FAF1: variants seen among roughly 807,000 people sequenced by gnomAD.
FAF1 encodes the protein Fas associated factor 1.
Under a neutral mutation model 92.5 loss-of-function variants are expected in FAF1, and 25 were observed. That is an observed-to-expected ratio of 0.27 (90% CI 0.20 to 0.38). The LOEUF is 0.38. Among genes scored for constraint, FAF1 ranks in the 10% least tolerant of loss-of-function variants. The pLI is 1.00. For synonymous variants in FAF1, 234 were observed against 273.2 expected (o/e 0.86, Z 1.42); for missense variants, 636 against 793.3 (o/e 0.80, Z 2.38).
intron 8 of FAF1, among the ~76,000 whole-genome samples, chr1:50,645,811 G>A (rs1203233778): frequency 6.6e-6 from 1 of 150,480 alleles, no homozygotes; most frequent in East Asian, 1.9e-4. Context: ...CTGGGGGACA[G>A]AGTGAGACTC....
At chr1:50,478,993 C>A (rs1364874377) in intron 17 of FAF1, among the ~76,000 whole-genome samples, 1 of 152,210 alleles carries the variant, frequency 6.6e-6, no homozygotes, top group Non-Finnish European at 1.5e-5. Flanking sequence ...GAAGCATACC[C>A]TTTCCTGGGA....
chr1:50,819,306 C>T (rs916310299), intron 2 of FAF1, among the ~76,000 whole-genome samples: 6 of 151,914 alleles, frequency 3.9e-5, no homozygotes, highest in Non-Finnish European at 8.8e-5. Flanking sequence ...GGGCTATCTA[C>T]ATTTAAAATC....
At chr1:50,756,643 T>C (rs1043950245) in intron 4 of FAF1, among the ~76,000 whole-genome samples, 85 of 152,326 alleles carry the variant, frequency 5.6e-4, no homozygotes, top group African/African-American at 2.0e-3. Context: ...AAGACATACC[T>C]GAGACTGGGT....
intron 1 of FAF1, among the ~76,000 whole-genome samples, chr1:50,931,570 C>T (rs1381888326): frequency 1.3e-5 from 2 of 152,020 alleles, no homozygotes; most frequent in African/African-American, 4.8e-5. Context: ...TATTCACTAT[C>T]ACAAGAATAG....
At chr1:50,755,875 C>A (rs572534483) in intron 4 of FAF1, among the ~76,000 whole-genome samples, 25 of 152,296 alleles carry the variant, frequency 1.6e-4, no homozygotes, top group African/African-American at 5.5e-4. Context: ...GCCACAGCTG[C>A]AGCAGCTGGG....
At chr1:50,945,004 G>A (rs182759774) in intron 1 of FAF1, among the ~76,000 whole-genome samples, 45 of 152,304 alleles carry the variant, frequency 3.0e-4, no homozygotes, top group Admixed American at 8.5e-4. Context: ...AAGGTGTGTG[G>A]ATCAAGAGGA....
At chr1:50,790,986 T>G (rs1661543091) in intron 3 of FAF1, among the ~76,000 whole-genome samples, 1 of 152,206 alleles carries the variant, frequency 6.6e-6, no homozygotes, top group Non-Finnish European at 1.5e-5. Flanking sequence ...GATGTATATG[T>G]GTGTTTGGGA....
intron 8 of FAF1, among the ~76,000 whole-genome samples, chr1:50,647,870 A>G (rs575738441): frequency 3.3e-5 from 5 of 152,318 alleles, no homozygotes; most frequent in Admixed American, 6.5e-5. Flanking sequence ...GAAAAAAGTG[A>G]AAAAAACTTA....
intron 8 of FAF1, among the ~76,000 whole-genome samples, chr1:50,605,308 C>G (rs953812747): frequency 6.6e-6 from 1 of 152,116 alleles, no homozygotes; most frequent in African/African-American, 2.4e-5. Flanking sequence ...AGTGAGTACA[C>G]TAGAAGAGGT....
chr1:50,555,363 G>A (rs75013786), intron 13 of FAF1, among the ~76,000 whole-genome samples: 1,895 of 151,782 alleles, frequency 0.012, 41 homozygotes, highest in African/African-American at 0.042. Context: ...AAATACATCC[G>A]ACAAAGGATT....
chr1:50,698,316 C>T (rs1569789957), intron 7 of FAF1, among the ~76,000 whole-genome samples: 1 of 152,212 alleles, frequency 6.6e-6, no homozygotes, highest in East Asian at 1.9e-4. Context: ...CAACACATAC[C>T]CTAGGAAAAT....
intron 2 of FAF1, among the ~76,000 whole-genome samples, chr1:50,855,842 C>G (rs1227544676): frequency 6.6e-6 from 1 of 151,722 alleles, no homozygotes; most frequent in Non-Finnish European, 1.5e-5. Flanking sequence ...TGAAAGATAG[C>G]CTGATGTTTT....
intron 6 of FAF1, among the ~76,000 whole-genome samples, chr1:50,706,931 C>T (rs761486889): frequency 1.1e-4 from 17 of 152,108 alleles, no homozygotes; most frequent in Admixed American, 2.0e-4. Flanking sequence ...AGGACGGGCA[C>T]GGTGGCTCAC....
chr1:50,732,332 C>T (rs1183134948), intron 6 of FAF1, among the ~76,000 whole-genome samples: 7 of 152,132 alleles, frequency 4.6e-5, no homozygotes, highest in Admixed American at 3.3e-4. Context: ...ACCTTGGCCT[C>T]CCAAAGTGCT....
At chr1:50,788,245 A>T (rs760987435) in intron 3 of FAF1, 40 bp from the exon 4 acceptor site, 1 of 1,535,936 alleles carries the variant, frequency 6.5e-7, no homozygotes, top group South Asian at 1.1e-5. Flanking sequence ...TGTCAACTAA[A>T]TCATTACAGA....
chr1:50,725,901 A>G (rs749112251), intron 6 of FAF1, among the ~76,000 whole-genome samples: 14 of 152,186 alleles, frequency 9.2e-5, no homozygotes, highest in Admixed American at 2.0e-4. Context: ...GCCACAGAAG[A>G]CAGTGATATG....
chr1:50,654,490 T>C (rs1655014174), intron 8 of FAF1, among the ~76,000 whole-genome samples: 2 of 152,018 alleles, frequency 1.3e-5, no homozygotes, highest in South Asian at 4.2e-4. Context: ...AAAACAGCAA[T>C]GAGTGGAAAT....
intron 12 of FAF1, among the ~76,000 whole-genome samples, chr1:50,575,002 G>T (rs1179294336): frequency 6.9e-6 from 1 of 145,976 alleles, no homozygotes; most frequent in East Asian, 2.0e-4. Context: ...TCCGCCTCCT[G>T]GGTTCACGCC....
At chr1:50,706,150 A>G (rs1389671769) in intron 6 of FAF1, 2 of 358,510 alleles carry the variant, frequency 5.6e-6, no homozygotes, top group East Asian at 8.3e-5. Context: ...ATTTTCTACA[A>G]GTCATAGGCT....
Sources: allele counts gnomAD v4.1 joint callset (sites outside exome capture counted in the v4.1 genomes callset), GRCh38; gene constraint gnomAD v4.1.1; transcripts MANE v1.5; gene names NCBI Gene and HGNC (gene_info 2026-07-23, HGNC 2026-07-21).